LLGL2: variants seen among roughly 807,000 people sequenced by gnomAD.
The protein encoded by LLGL2 is LLGL2, scribble cell polarity complex component.
A neutral mutation model predicts 123.2 loss-of-function variants in LLGL2; 81 were observed. The ratio of observed to expected loss-of-function variants is 0.66; its 90% CI spans 0.55 to 0.79. The LOEUF is 0.79. Among genes scored for constraint, LLGL2 ranks in the 30% least tolerant of loss-of-function variants. The probability of loss-of-function intolerance (pLI) is 0.00; values close to 1 mark genes in which losing one functional copy is unlikely to be tolerated. For missense variants in LLGL2, 1,273 were observed against 1,414.6 expected, an observed-to-expected ratio of 0.90 and a Z score of 1.61; for synonymous variants, 577 against 594.1, an observed-to-expected ratio of 0.97 and a Z score of 0.42.
At chr17:75,571,837 A>T (rs2055723329) in intron 18 of LLGL2, 54 bp downstream of exon 18, 6 of 1,605,244 alleles carry the variant, frequency 3.7e-6, no homozygotes, top group Non-Finnish European at 5.1e-6. Context: ...GGCTGGGTCC[A>T]GGGAGTGGCT....
intron 6 of LLGL2, 198 bp from the exon 7 acceptor site, chr17:75,562,818 C>A: frequency 1.5e-6 from 1 of 648,988 alleles, no homozygotes; most frequent in Non-Finnish European, 2.6e-6. Flanking sequence ...GGCCTGCCCA[C>A]CTTGGGCTCC....
chr17:75,528,783 C>A (rs188147720), intron 1 of LLGL2, among the ~76,000 whole-genome samples: 1 of 151,858 alleles, frequency 6.6e-6, no homozygotes, highest in East Asian at 2.0e-4. Flanking sequence ...CCCAGGTGAT[C>A]GCTGTTCATT....
At chr17:75,530,973 G>A (rs1411957366) in intron 1 of LLGL2, among the ~76,000 whole-genome samples, 2 of 152,074 alleles carry the variant, frequency 1.3e-5, no homozygotes, top group Non-Finnish European at 2.9e-5. Context: ...AGTGAGAGCC[G>A]GTTGCCTGGG....
rs768739006 is a variant in LLGL2 at position 75,549,526 on chromosome 17, T to G, written c.75+6025T>G. ...CAGCAGCCCCTGCGGAGGGCCAGGT[T>G]GTTCTGTATTGGCTTTCGAATGGCT... is the stretch of plus-strand genomic sequence containing the variant. On this transcript the variant is annotated intron_variant, in intron 2 of 25. Transcript: ENST00000392550. The surrounding 1 kb of genome is among the most constrained non-coding windows in gnomAD (Gnocchi z 4.0). Among the ~76,000 whole-genome samples, 9 of 152,052 alleles carry G rather than the reference T, an allele frequency of 5.9e-5. No homozygotes were observed. The highest frequency in any genetic ancestry group is 1.2e-4 in the Non-Finnish European group (8 of 67,990).
intron 2 of LLGL2, among the ~76,000 whole-genome samples, chr17:75,545,010 G>A (rs1196664550): frequency 1.3e-5 from 2 of 152,014 alleles, no homozygotes; most frequent in Non-Finnish European, 1.5e-5. Flanking sequence ...CGGTGTCCAC[G>A]GGAGATGGAA....
chr17:75,559,147 T>C lies in LLGL2; in HGVS notation c.372-105T>C. ...CCTGGCTTGAAATGTTATGACCTCA[T>C]TAAAGGGCCTTATGGGCTTGTTTTC... On this transcript the variant is annotated intron_variant, in intron 5 of 25. Coordinates refer to ENST00000392550, the MANE Select transcript of LLGL2 (RefSeq NM_001031803.2). The surrounding 1 kb of genome is among the most constrained non-coding windows in gnomAD (Gnocchi z 4.6). 1 of 1,214,128 alleles carries C rather than the reference T, an allele frequency of 8.2e-7. No individual in the cohort carries two copies. Among genetic ancestry groups the C allele is most frequent in the Non-Finnish European group, 1.1e-6 (1 of 895,030 alleles). The allele number at this position is 1,214,128 out of a possible 1,614,324, so 75.2% of individuals were successfully genotyped here.
chr17:75,547,601 G>T (rs1417356130), intron 2 of LLGL2, among the ~76,000 whole-genome samples: 1 of 152,156 alleles, frequency 6.6e-6, no homozygotes, highest in Non-Finnish European at 1.5e-5. Flanking sequence ...GAGGTGGGTG[G>T]ATCACTTGAG....
At chr17:75,531,344 T>TC (rs1448036463) in intron 1 of LLGL2, among the ~76,000 whole-genome samples, 1 of 152,144 alleles carries the variant, frequency 6.6e-6, no homozygotes, top group Non-Finnish European at 1.5e-5. Context: ...GAGTTTAGTT[T>TC]CCCCGGGGAG....
intron 16 of LLGL2, 124 bp downstream of exon 16, chr17:75,570,622 G>A (rs2055660860): frequency 8.0e-7 from 1 of 1,251,796 alleles, no homozygotes; most frequent in African/African-American, 1.5e-5. Context: ...TCAGGGTCCA[G>A]GTCGCATTGT....
chr17:75,558,418 G>T lies in LLGL2; in HGVS notation c.256-94G>T. On this transcript the variant is annotated intron_variant, in intron 4 of 25. Coordinates refer to ENST00000392550, the MANE Select transcript of LLGL2 (RefSeq NM_001031803.2). This position sits in a 1 kb window ranked among gnomAD's most constrained non-coding sequence, Gnocchi z 4.0. ...ATGGGCCACCCTGGGAGTGGCCAGG[G>T]GGTCTTTTAAACAACTGGGGCTGCG... is the stretch of plus-strand genomic sequence containing the variant. 1 of 1,216,612 alleles carries T rather than the reference G, an allele frequency of 8.2e-7. No homozygotes were observed. The highest frequency in any genetic ancestry group is 1.2e-6 in the Non-Finnish European group (1 of 867,264). The allele number at this position is 1,216,612 out of a possible 1,614,324, so 75.4% of individuals were successfully genotyped here.
intron 2 of LLGL2, among the ~76,000 whole-genome samples, chr17:75,552,982 A>G (rs62088558): frequency 0.15 from 23,271 of 152,106 alleles, 2,927 homozygotes; most frequent in African/African-American, 0.34. Flanking sequence ...TGCTGCTGGG[A>G]AAGTGCTGCT....
chr17:75,552,647 T>G (rs893835663), intron 2 of LLGL2, among the ~76,000 whole-genome samples: 1 of 152,254 alleles, frequency 6.6e-6, no homozygotes, highest in Non-Finnish European at 1.5e-5. Flanking sequence ...CATTAAATCT[T>G]TTTTGGAAGT....
intron 1 of LLGL2, among the ~76,000 whole-genome samples, chr17:75,532,888 T>C (rs2053853740): frequency 6.6e-6 from 1 of 152,254 alleles, no homozygotes. Context: ...GGTAAGGAAG[T>C]TCCCTGAGAA....
At position 75,571,750 on chromosome 17, in the gene LLGL2, C is replaced by A; in HGVS notation, c.2260C>A (p.Arg754=). The A allele has an allele frequency of 6.2e-7, 1 of 1,608,744 alleles. No homozygotes were observed. The highest frequency in any genetic ancestry group is 8.5e-7 in the Non-Finnish European group (1 of 1,179,860). ...AFSLRVPPAE[R]RMDEPVRAEQ... is the part of the protein sequence containing the mutation. ...CTCCCTGCGTGTGCCTCCCGCCGAGCGGAGAATGGATGAGCCTGTGCGGGC... is the reference window on the plus strand; with the variant it reads ...CTCCCTGCGTGTGCCTCCCGCCGAGAGGAGAATGGATGAGCCTGTGCGGGC... Residue 754 remains arginine, a synonymous_variant, in exon 18 of 26, where the codon CGG becomes AGG. Transcript: ENST00000392550.
chr17:75,557,636 C>G (rs965088451), intron 3 of LLGL2, among the ~76,000 whole-genome samples: 1 of 152,144 alleles, frequency 6.6e-6, no homozygotes, highest in Non-Finnish European at 1.5e-5. Flanking sequence ...ATGGAGCACT[C>G]GAGTTCCAGG....
chr17:75,540,587 G>A (rs1188308633), intron 1 of LLGL2, among the ~76,000 whole-genome samples: 1 of 152,222 alleles, frequency 6.6e-6, no homozygotes, highest in Non-Finnish European at 1.5e-5. Flanking sequence ...GCCAGCATCT[G>A]GGAGCGTGTC....
In LLGL2 at chr17:75,571,073, T is replaced by A; in HGVS notation, c.2149T>A (p.Tyr717Asn). Residue 717 changes from tyrosine to asparagine, a missense_variant, in exon 17 of 26, where the codon TAC (tyrosine) becomes AAC (asparagine). Physicochemically the swap from Tyr to Asn is moderately radical, Grantham distance 143 (BLOSUM62 -2). Coordinates refer to ENST00000392550, the MANE Select transcript of LLGL2 (RefSeq NM_001031803.2). ...DSFTGFVRTL[Y>N]FADTYLKDSS... Reference sequence around the variant, plus strand: ...CTTCACAGGCTTCGTCCGGACCCTGTACTTTGCTGACACCTACCTGAAGGA... The same window carrying A: ...CTTCACAGGCTTCGTCCGGACCCTGAACTTTGCTGACACCTACCTGAAGGA... 6.2e-7 allele frequency: 1 copy of A among 1,612,504 alleles called. No individual in the cohort carries two copies.
chr17:75,559,511 T>C lies in LLGL2; in HGVS notation c.530+101T>C. 1 of 1,427,898 alleles carries C rather than the reference T, an allele frequency of 7.0e-7. No homozygotes were observed. Among genetic ancestry groups the C allele is most frequent in the East Asian group, 2.3e-5 (1 of 42,778 alleles). The allele number at this position is 1,427,898 out of a possible 1,614,324, so 88.5% of individuals were successfully genotyped here. On this transcript the variant is annotated intron_variant, in intron 6 of 25. Transcript: ENST00000392550. This position sits in a 1 kb window ranked among gnomAD's most constrained non-coding sequence, Gnocchi z 4.6. ...CTGTCAGGAGCTGTCATTTCTCTGC[T>C]GGGAATTCCATGGGGCTATAGCAGG...
At chr17:75,553,525 A>T (rs1182395220) in intron 2 of LLGL2, among the ~76,000 whole-genome samples, 1 of 152,160 alleles carries the variant, frequency 6.6e-6, no homozygotes, top group African/African-American at 2.4e-5. Flanking sequence ...TGCTGCTTTG[A>T]GGCCTGGCAG....
Sources: gnomAD v4.1 joint callset for allele counts (sites outside exome capture counted in the v4.1 genomes callset) on GRCh38, gnomAD v4.1.1 for gene constraint, Gnocchi (gnomAD v3.1) non-coding constraint, MANE v1.5 for transcripts, NCBI Gene and HGNC (gene_info 2026-07-23, HGNC 2026-07-21) for gene names.